The following DNAH5 variants were observed in gnomAD, a reference collection of about 807,000 sequenced individuals.
DNAH5 encodes the protein axonemal beta dynein heavy chain 5.
A neutral mutation model predicts 518.2 loss-of-function variants in DNAH5; 372 were observed. The observed-to-expected ratio is 0.72, with a 90% confidence interval of 0.66 to 0.78. DNAH5 has a LOEUF of 0.78. Ranked by LOEUF, DNAH5 falls within the 30% of genes least tolerant of loss-of-function variation. The pLI is 0.00. For missense variants in DNAH5, 5,523 were observed against 5,687.0 expected, an observed-to-expected ratio of 0.97 and a Z score of 0.93; for synonymous variants, 2,039 against 2,025.9, an observed-to-expected ratio of 1.01 and a Z score of -0.17.
At chr5:13,925,401 G>A (rs533460820) in intron 3 of DNAH5, among the ~76,000 whole-genome samples, 4 of 152,154 alleles carry the variant, frequency 2.6e-5, no homozygotes, top group African/African-American at 9.6e-5. Flanking sequence ...ATTTTGTGAG[G>A]ACAGTTATGC....
exon 1 of DNAH5, among the ~76,000 whole-genome samples, chr5:14,011,658 A>C (rs1012589095): frequency 6.6e-6 from 1 of 152,012 alleles, no homozygotes; most frequent in African/African-American, 2.4e-5. Context: ...CAGTTTGTCC[A>C]TGGCGCTGTG....
At chr5:13,922,932 A>G (rs1290211292) in intron 4 of DNAH5, among the ~76,000 whole-genome samples, 1 of 152,130 alleles carries the variant, frequency 6.6e-6, no homozygotes, top group Non-Finnish European at 1.5e-5. Context: ...ACAAAAAAAA[A>G]AAAGTTATAT....
chr5:13,922,845 C>A (rs971894327), intron 4 of DNAH5, among the ~76,000 whole-genome samples: 1 of 151,662 alleles, frequency 6.6e-6, no homozygotes, highest in African/African-American at 2.4e-5. Flanking sequence ...CAGATGTTTA[C>A]CAGTTTATTT....
At chr5:14,002,814 A>ATG (rs1459553550) in intron 1 of DNAH5, among the ~76,000 whole-genome samples, 2 of 151,864 alleles carry the variant, frequency 1.3e-5, no homozygotes, top group African/African-American at 4.8e-5. Flanking sequence ...AATCTTTCAA[A>ATG]TGTACTTACT....
Position 13,707,773 on chromosome 5 carries a change from A to G in DNAH5, c.13338+350T>C, listed in dbSNP as rs919923840. 1.3e-5 allele frequency among the ~76,000 whole-genome samples: 2 copies of G among 152,146 alleles called. No individual in the cohort carries two copies. The highest frequency in any genetic ancestry group is 4.8e-5 in the African/African-American group (2 of 41,442). ...ACCAACATCATGGACTTTGGAGTCC[A>G]GGAGCTTGGGTTTAAATTCTGATTC... On this transcript the variant is annotated intron_variant, in intron 76 of 78. Coordinates refer to ENST00000265104, the MANE Select transcript of DNAH5 (RefSeq NM_001369.3). The surrounding 1 kb of genome is among the most constrained non-coding windows in gnomAD (Gnocchi z 4.0).
At chr5:13,741,018 A>C (rs1421972768) in intron 65 of DNAH5, among the ~76,000 whole-genome samples, 3 of 152,226 alleles carry the variant, frequency 2.0e-5, no homozygotes, top group Non-Finnish European at 1.5e-5. Flanking sequence ...CTCCATTAAC[A>C]CTGCAGATTG....
At chr5:13,851,708 T>G (rs1456429062) in intron 30 of DNAH5, among the ~76,000 whole-genome samples, 1 of 152,078 alleles carries the variant, frequency 6.6e-6, no homozygotes, top group African/African-American at 2.4e-5. Flanking sequence ...ACCTTAAATA[T>G]TCTACATGAA....
intron 1 of DNAH5, among the ~76,000 whole-genome samples, chr5:13,937,781 G>A (rs6860899): frequency 0.27 from 40,505 of 151,986 alleles, 5,967 homozygotes; most frequent in Non-Finnish European, 0.33. Flanking sequence ...AGTTGCACAC[G>A]TTGAAATGAA....
chr5:13,939,773 A>T (rs909966211), intron 1 of DNAH5, among the ~76,000 whole-genome samples: 11 of 152,234 alleles, frequency 7.2e-5, no homozygotes, highest in Admixed American at 3.9e-4. Flanking sequence ...GTGAAGGGCC[A>T]CAGCTGCAGA....
intron 77 of DNAH5, 85 bp from the exon 78 acceptor site, chr5:13,700,956 G>C (rs79224553): frequency 2.2e-6 from 3 of 1,378,284 alleles, no homozygotes; most frequent in East Asian, 4.6e-5. Context: ...GCTTGGCTCC[G>C]AATCACTCTA....
At chr5:13,850,837 G>A in intron 30 of DNAH5, 22 bp from the exon 31 acceptor site, 1 of 1,613,044 alleles carries the variant, frequency 6.2e-7, no homozygotes, top group Non-Finnish European at 8.5e-7. Context: ...AGGTAACAAA[G>A]CACACTTAGA....
chr5:13,906,533 T>A (rs1296616262), intron 12 of DNAH5, among the ~76,000 whole-genome samples: 3 of 152,216 alleles, frequency 2.0e-5, no homozygotes, highest in Non-Finnish European at 4.4e-5. Context: ...CAGAAAACAC[T>A]ACTCTTTTCA....
intron 78 of DNAH5, among the ~76,000 whole-genome samples, chr5:13,700,030 G>C: frequency 6.6e-6 from 1 of 152,178 alleles, no homozygotes; most frequent in East Asian, 1.9e-4. Flanking sequence ...TTAGAATCAC[G>C]TGTGTACTTC....
chr5:13,983,433 C>A (rs1046323301), intron 1 of DNAH5, among the ~76,000 whole-genome samples: 1 of 152,174 alleles, frequency 6.6e-6, no homozygotes, highest in Non-Finnish European at 1.5e-5. Context: ...GAGGTTATAG[C>A]TATTGATATT....
intron 43 of DNAH5, among the ~76,000 whole-genome samples, chr5:13,814,235 G>A (rs1036557863): frequency 1.3e-5 from 2 of 152,112 alleles, no homozygotes; most frequent in Non-Finnish European, 2.9e-5. Flanking sequence ...GTTCTAAGAT[G>A]GTCCTCCTAA....
Position 13,850,782 on chromosome 5 carries a change from A to G in DNAH5, c.4984T>C (p.Trp1662Arg). The change falls in exon 31 of 79, where the codon TGG becomes CGG. Residue 1662 changes from tryptophan to arginine, a missense_variant. By Grantham distance (101) the Trp-to-Arg change is moderately radical. This residue lies in a region of DNAH5 where 5,121 missense variants were observed against 5,223.3 expected (regional missense o/e 0.98). Coordinates refer to ENST00000265104, the MANE Select transcript of DNAH5 (RefSeq NM_001369.3). ...AKRFSNIDKSWVKIMTRAHEV... is the reference protein window; with the variant it reads ...AKRFSNIDKSRVKIMTRAHEV... ...TGTGCCCGAGTCATGATCTTCACCC[A>G]AGATTTATCTATGTTAGAAAACCGC... 3 of 1,614,168 alleles carry G rather than the reference A, an allele frequency of 1.9e-6. No individual in the cohort carries two copies.
Position 13,766,184 on chromosome 5 carries a change from G to A in DNAH5, c.9898-5C>T, listed in dbSNP as rs1752495895. The A allele has an allele frequency of 6.2e-7, 1 of 1,613,988 alleles. No homozygotes were observed. The highest frequency in any genetic ancestry group is 1.3e-5 in the African/African-American group (1 of 74,926). On this transcript the variant is annotated splice_polypyrimidine_tract_variant and splice_region_variant and intron_variant, in intron 58 of 78. Transcript: ENST00000265104. ...GATGTCCGAAGGCCTGATGGTCTGG[G>A]GGATGAAAGGAACGATCACCCAACC...
chr5:13,744,674 G>A (rs375199907), intron 65 of DNAH5, among the ~76,000 whole-genome samples: 7 of 151,930 alleles, frequency 4.6e-5, no homozygotes, highest in African/African-American at 1.7e-4. Context: ...GTAAAATTTC[G>A]TGAACATAGC....
chr5:13,830,488 A>G (rs1296602279), intron 36 of DNAH5, 109 bp downstream of exon 36: 3 of 1,374,986 alleles, frequency 2.2e-6, no homozygotes, highest in East Asian at 2.3e-5. Context: ...AAAAAATTTT[A>G]CAAAGTTGAA....
Sources: allele counts gnomAD v4.1 joint callset (sites outside exome capture counted in the v4.1 genomes callset), GRCh38; gene constraint gnomAD v4.1.1; regional missense constraint gnomAD v4.1.1; non-coding constraint Gnocchi (gnomAD v3.1); transcripts MANE v1.5; gene names NCBI Gene and HGNC (gene_info 2026-07-23, HGNC 2026-07-21).